The following SYNPR variants were observed in gnomAD, a reference collection of about 807,000 sequenced individuals.
The protein encoded by SYNPR is synaptoporin.
A neutral mutation model predicts 32.9 loss-of-function variants in SYNPR; 23 were observed. The observed-to-expected ratio is 0.70, with a 90% CI of 0.50 to 0.99. The LOEUF (loss-of-function observed/expected upper bound fraction) is 0.99, where lower values mean the gene tolerates loss of function less well. SYNPR is among the 50% of genes least tolerant of loss of function. The pLI is 0.00. For missense variants in SYNPR, 318 were observed against 349.3 expected (o/e 0.91, Z 0.71); for synonymous variants, 146 against 135.9 (o/e 1.07, Z -0.52).
chr3:63,363,279 G>GA (rs1225934425), intron 2 of SYNPR, among the ~76,000 whole-genome samples: 3 of 152,114 alleles, frequency 2.0e-5, no homozygotes, highest in Non-Finnish European at 4.4e-5. Flanking sequence ...GAAGATTTCA[G>GA]AAAAAATAAT....
chr3:63,457,965 C>A (rs1322876658), intron 2 of SYNPR, among the ~76,000 whole-genome samples: 1 of 151,946 alleles, frequency 6.6e-6, no homozygotes, highest in Non-Finnish European at 1.5e-5. Flanking sequence ...ATTTTCTAAC[C>A]CTCTTCTTTT....
intron 2 of SYNPR, among the ~76,000 whole-genome samples, chr3:63,283,810 CTTTTTTTTTTTTT>C (rs142282438): frequency 3.4e-5 from 3 of 87,138 alleles, no homozygotes; most frequent in African/African-American, 9.8e-5. Context: ...AGATAATTAC[CTTTTTTTTTTTTT>C]TTTTTTTTTT....
At chr3:63,550,004 C>T (rs1014101622) in intron 3 of SYNPR, 4 of 152,040 alleles carry the variant, frequency 2.6e-5, no homozygotes, top group Admixed American at 6.6e-5. Flanking sequence ...AATTGCTCGC[C>T]GACTAGTTCC....
chr3:63,202,705 A>G, the SYNPR span, among the ~76,000 whole-genome samples: 19 of 152,308 alleles, frequency 1.2e-4, no homozygotes, highest in East Asian at 3.7e-3. Flanking sequence ...ATATTTCATA[A>G]TCAAACACAT....
the SYNPR span, among the ~76,000 whole-genome samples, chr3:63,202,308 A>T: frequency 6.6e-6 from 1 of 152,214 alleles, no homozygotes; most frequent in Non-Finnish European, 1.5e-5. Flanking sequence ...TCACATTTGA[A>T]TATGCCATGT....
At chr3:63,605,579 G>C (rs1428503459) in intron 4 of SYNPR, among the ~76,000 whole-genome samples, 1 of 152,152 alleles carries the variant, frequency 6.6e-6, no homozygotes, top group South Asian at 2.1e-4. Context: ...GAACATCATA[G>C]GCAAAAATCT....
the SYNPR span, among the ~76,000 whole-genome samples, chr3:63,221,492 A>G: frequency 6.6e-6 from 1 of 152,166 alleles, no homozygotes; most frequent in Non-Finnish European, 1.5e-5. Context: ...GCTCACTCGC[A>G]TAGAGAACAA....
intron 2 of SYNPR, among the ~76,000 whole-genome samples, chr3:63,367,249 G>A (rs1024637236): frequency 2.0e-5 from 3 of 152,108 alleles, no homozygotes; most frequent in African/African-American, 7.2e-5. Flanking sequence ...TGAGAATCTT[G>A]TAAAAATTCA....
chr3:63,225,892 G>A (rs1211278858), upstream of SYNPR, among the ~76,000 whole-genome samples: 1 of 151,844 alleles, frequency 6.6e-6, no homozygotes, highest in African/African-American at 2.4e-5. Flanking sequence ...GAAAATATTT[G>A]CAAACTATTA....
intron 2 of SYNPR, among the ~76,000 whole-genome samples, chr3:63,382,361 T>C (rs944011870): frequency 8.5e-5 from 13 of 152,288 alleles, no homozygotes; most frequent in African/African-American, 3.1e-4. Flanking sequence ...GTAGTTAGGG[T>C]TCTCCATTAC....
At chr3:63,448,886 G>A (rs1482373747) in intron 2 of SYNPR, among the ~76,000 whole-genome samples, 1 of 152,172 alleles carries the variant, frequency 6.6e-6, no homozygotes, top group Non-Finnish European at 1.5e-5. Flanking sequence ...GGCATTTGCA[G>A]GAAATGTGTG....
intron 4 of SYNPR, among the ~76,000 whole-genome samples, chr3:63,586,033 G>T (rs539499483): frequency 1.3e-5 from 2 of 152,074 alleles, no homozygotes; most frequent in Admixed American, 6.6e-5. Flanking sequence ...CACATGATAA[G>T]TGGGGAAGTG....
At chr3:63,431,303 A>C (rs2107145512) in intron 2 of SYNPR, among the ~76,000 whole-genome samples, 1 of 152,306 alleles carries the variant, frequency 6.6e-6, no homozygotes, top group African/African-American at 2.4e-5. Context: ...AACATGTACA[A>C]GGGGGAGTGG....
chr3:63,256,610 A>G (rs1560170123), intron 2 of SYNPR, among the ~76,000 whole-genome samples: 1 of 152,218 alleles, frequency 6.6e-6, no homozygotes, highest in Non-Finnish European at 1.5e-5. Flanking sequence ...AAAACCACAA[A>G]GATGGAGAAA....
At chr3:63,264,378 A>C (rs1430528210) in intron 2 of SYNPR, among the ~76,000 whole-genome samples, 1 of 149,484 alleles carries the variant, frequency 6.7e-6, no homozygotes, top group African/African-American at 2.5e-5. Context: ...CCTGAAAGGC[A>C]CTCTTACAAG....
chr3:63,592,197 C>T (rs1218960480), intron 4 of SYNPR, among the ~76,000 whole-genome samples: 1 of 152,104 alleles, frequency 6.6e-6, no homozygotes, highest in Admixed American at 6.6e-5. Context: ...GGGAGAGGAG[C>T]ATGGGAGGGA....
chr3:63,507,868 A>G (rs749202745), intron 3 of SYNPR, among the ~76,000 whole-genome samples: 1 of 152,120 alleles, frequency 6.6e-6, no homozygotes, highest in African/African-American at 2.4e-5. Context: ...ACACTGACCT[A>G]TAGAAACATA....
At chr3:63,466,800 T>C (rs1700691119) in intron 2 of SYNPR, among the ~76,000 whole-genome samples, 1 of 135,406 alleles carries the variant, frequency 7.4e-6, no homozygotes, top group Non-Finnish European at 1.5e-5. Flanking sequence ...ACTAATCCTA[T>C]CAAATCGGGC....
At chr3:63,244,583 T>TG (rs1200438983) in intron 1 of SYNPR, among the ~76,000 whole-genome samples, 1 of 152,072 alleles carries the variant, frequency 6.6e-6, no homozygotes, top group African/African-American at 2.4e-5. Context: ...TGGTAGTCAG[T>TG]GTTGGCTTGA....
Sources: gnomAD v4.1 joint callset for allele counts (sites outside exome capture counted in the v4.1 genomes callset) on GRCh38, gnomAD v4.1.1 for gene constraint, MANE v1.5 for transcripts, NCBI Gene and HGNC (gene_info 2026-07-23, HGNC 2026-07-21) for gene names.